Variants in MYO5C observed in about 807,000 individuals in gnomAD.
The protein encoded by MYO5C is myosin VC, also known as unconventional myosin-Vc.
MYO5C carries 194 observed loss-of-function variants against 235.7 expected under a neutral mutation model. The observed-to-expected ratio is 0.82, with a 90% confidence interval of 0.73 to 0.93. MYO5C has a LOEUF of 0.93. Ranked by LOEUF, MYO5C falls within the 40% of genes least tolerant of loss-of-function variation. The pLI is 0.00. For synonymous variants in MYO5C, 707 were observed against 754.8 expected (o/e 0.94, Z 1.04); for missense variants, 2,038 against 2,127.2 (o/e 0.96, Z 0.82).
rs750766594 is a variant in MYO5C at position 52,245,398 on chromosome 15, C to T, written c.2134G>A (p.Asp712Asn). 5.0e-6 allele frequency: 8 copies of T among 1,614,022 alleles called. No homozygotes were observed. The highest frequency in any genetic ancestry group is 3.3e-5 in the Admixed American group (2 of 60,012). ...LMTKQELSFS[D>N]KKEVCKVVLH... Reference sequence around the variant, plus strand: ...ACCACCTTGCACACCTCCTTTTTATCGCTGAAGGAAAGCTCTTGCTTGGTC... The same window carrying T: ...ACCACCTTGCACACCTCCTTTTTATTGCTGAAGGAAAGCTCTTGCTTGGTC... Residue 712 changes from aspartate (D) to asparagine (N), a missense_variant, in exon 18 of 41, where the codon GAT (aspartate) becomes AAT (asparagine). Transcript: ENST00000261839.
At chr15:52,273,874 CTA>C (rs1435983789) in intron 5 of MYO5C, among the ~76,000 whole-genome samples, 1 of 152,092 alleles carries the variant, frequency 6.6e-6, no homozygotes, top group Non-Finnish European at 1.5e-5. Context: ...CCCCAAATAC[CTA>C]TGATGCTCAA....
chr15:52,277,325 A>G, intron 4 of MYO5C: 1 of 494,206 alleles, frequency 2.0e-6, no homozygotes, highest in Non-Finnish European at 4.0e-6. Context: ...CTACAGTGCC[A>G]AAGAGCTCAT....
At chr15:52,215,472 G>A (rs1425693718) in intron 32 of MYO5C, among the ~76,000 whole-genome samples, 1 of 152,212 alleles carries the variant, frequency 6.6e-6, no homozygotes, top group African/African-American at 2.4e-5. Flanking sequence ...CAGGGTCACT[G>A]CAGCTGTGTG....
At chr15:52,211,908 G>A (rs371121822) in intron 34 of MYO5C, 24 bp from the exon 35 acceptor site, 1 of 1,607,870 alleles carries the variant, frequency 6.2e-7, no homozygotes, top group Admixed American at 1.7e-5. Context: ...AGCCAATGAG[G>A]ATTACAGCTG....
chr15:52,198,378 A>G (rs2035103381), intron 38 of MYO5C, among the ~76,000 whole-genome samples: 1 of 152,164 alleles, frequency 6.6e-6, no homozygotes, highest in Non-Finnish European at 1.5e-5. Context: ...AGGATTAGCA[A>G]TGCCCCATGT....
rs1393769595 is a variant in MYO5C at position 52,233,019 on chromosome 15, C to G, written c.2963-334G>C. 5.1e-4 allele frequency among the ~76,000 whole-genome samples: 7 copies of G among 13,746 alleles called. 2 individuals carry two copies. Among genetic ancestry groups the G allele is most frequent in the Admixed American group, 3.1e-3 (2 of 652 alleles). The allele number at this position is 13,746 out of a possible 152,430, so 9.0% of individuals were successfully genotyped here. A position where few individuals can be genotyped will look rare whatever the true frequency, so the allele number is the denominator to read the frequency against. Reference sequence around the variant, plus strand: ...TAGAGGCCGGGCGCGGTGGCTCACGCCTGTAATCCCAGCACTTTGGGAGGC... The same window carrying G: ...TAGAGGCCGGGCGCGGTGGCTCACGGCTGTAATCCCAGCACTTTGGGAGGC... On this transcript the variant is annotated intron_variant, in intron 23 of 40. Transcript: ENST00000261839.
intron 29 of MYO5C, among the ~76,000 whole-genome samples, 177 bp downstream of exon 29, chr15:52,223,367 A>G (rs1054932986): frequency 6.6e-6 from 1 of 152,232 alleles, no homozygotes; most frequent in Non-Finnish European, 1.5e-5. Flanking sequence ...CTCTTGTATC[A>G]GAGTGCTCTC....
Position 52,219,775 on chromosome 15 carries a change from C to T in MYO5C, c.3769G>A (p.Glu1257Lys). The change falls in exon 31 of 41, where the codon GAA (glutamate) becomes AAA (lysine). Residue 1257 changes from glutamate (E) to lysine (K), a missense_variant. Glu to Lys is a moderately conservative substitution (Grantham distance 56, BLOSUM62 1). Transcript: ENST00000261839. ...TACACTTACTTTCTTTGTGTTCCTT[C>T]CTCCTCTTGACTGCGATGTAACTGA... Reference protein sequence around the residue: ...SNQLHRSQEEEGTQRKALEAQ... With the variant: ...SNQLHRSQEEKGTQRKALEAQ... The T allele has an allele frequency of 6.2e-7, 1 of 1,612,282 alleles. No homozygotes were observed. The highest frequency in any genetic ancestry group is 8.5e-7 in the Non-Finnish European group (1 of 1,178,738).
intron 11 of MYO5C, among the ~76,000 whole-genome samples, chr15:52,254,765 T>C (rs1364309015): frequency 1.3e-5 from 2 of 151,208 alleles, no homozygotes; most frequent in African/African-American, 4.9e-5. Context: ...TGGCAAGACA[T>C]CTGGTATAAG....
intron 33 of MYO5C, among the ~76,000 whole-genome samples, chr15:52,213,906 A>C (rs908905698): frequency 6.6e-6 from 1 of 152,236 alleles, no homozygotes; most frequent in African/African-American, 2.4e-5. Context: ...TTATTACTGA[A>C]GGAAAGGGAT....
At chr15:52,292,576 TC>T (rs1451730296) in intron 1 of MYO5C, among the ~76,000 whole-genome samples, 2 of 152,170 alleles carry the variant, frequency 1.3e-5, no homozygotes, top group African/African-American at 4.8e-5. Context: ...AATAACATCA[TC>T]CATATCATCG....
intron 12 of MYO5C, among the ~76,000 whole-genome samples, chr15:52,251,852 A>G (rs928073067): frequency 3.3e-5 from 5 of 151,914 alleles, no homozygotes; most frequent in African/African-American, 9.7e-5. Flanking sequence ...TTTAGTAGAG[A>G]CGGGGTTTCA....
Position 52,213,207 on chromosome 15 carries a change from G to A in MYO5C, c.4122C>T (p.Leu1374=). Residue 1374 remains leucine, a synonymous_variant, in exon 34 of 41, where the codon CTC becomes CTT. Coordinates refer to ENST00000261839, the MANE Select transcript of MYO5C (RefSeq NM_018728.4). ...CACTACCAAGAATGAGGTTCTGAAT[G>A]AGCTTGGCCTCGTCTTCTCTCTTGT... ...LQYKREDEAK[L]IQNLILDLKP... The A allele has an allele frequency of 6.2e-7, 1 of 1,614,030 alleles. No individual in the cohort carries two copies. Among genetic ancestry groups the A allele is most frequent in the Non-Finnish European group, 8.5e-7 (1 of 1,179,916 alleles).
At chr15:52,286,868 C>A (rs1166817181) in intron 1 of MYO5C, among the ~76,000 whole-genome samples, 4 of 151,370 alleles carry the variant, frequency 2.6e-5, no homozygotes, top group Non-Finnish European at 4.4e-5. Context: ...TATCTGCTGA[C>A]CTTCCCTCCA....
intron 38 of MYO5C, among the ~76,000 whole-genome samples, chr15:52,200,235 G>A (rs1044880240): frequency 6.6e-6 from 1 of 152,076 alleles, no homozygotes; most frequent in Non-Finnish European, 1.5e-5. Context: ...TGCATTGTCC[G>A]CCTGATGAAA....
At chr15:52,227,388 G>A (rs1596162580) in intron 25 of MYO5C, among the ~76,000 whole-genome samples, 1 of 148,844 alleles carries the variant, frequency 6.7e-6, no homozygotes, top group Non-Finnish European at 1.5e-5. Context: ...TAGTAGAGAT[G>A]GGGTTTCACC....
At chr15:52,282,653 A>G in intron 2 of MYO5C, 129 bp downstream of exon 2, 1 of 665,796 alleles carries the variant, frequency 1.5e-6, no homozygotes, top group Admixed American at 2.2e-5. Flanking sequence ...CCATTTGGGA[A>G]TGGTGCTGGT....
intron 2 of MYO5C, among the ~76,000 whole-genome samples, chr15:52,281,395 T>A (rs954707561): frequency 6.6e-6 from 1 of 152,228 alleles, no homozygotes; most frequent in East Asian, 1.9e-4. Flanking sequence ...CCTGAAGCCC[T>A]GCAGATATTA....
In MYO5C at chr15:52,196,319, G is replaced by C; in HGVS notation, c.4985C>G (p.Ser1662Cys). Residue 1662 changes from serine to cysteine, a missense_variant, in exon 39 of 41, where the codon TCT becomes TGT. Coordinates refer to ENST00000261839, the MANE Select transcript of MYO5C (RefSeq NM_018728.4). Reference protein sequence around the residue: ...KEIYERCTSLSAVQIIKILNS... With the variant: ...KEIYERCTSLCAVQIIKILNS... The stretch of plus-strand genomic sequence containing the variant: ...AGCAAGCCTGGTCACCTGCACAGCA[G>C]ACAGTGAGGTGCAGCGTTCGTAGAT... 2 of 1,609,798 alleles carry C rather than the reference G, an allele frequency of 1.2e-6. No homozygotes were observed. Among genetic ancestry groups the C allele is most frequent in the Non-Finnish European group, 1.7e-6 (2 of 1,178,488 alleles).
Sources: gnomAD v4.1 joint callset for allele counts (sites outside exome capture counted in the v4.1 genomes callset) on GRCh38, gnomAD v4.1.1 for gene constraint, MANE v1.5 for transcripts, NCBI Gene and HGNC (gene_info 2026-07-23, HGNC 2026-07-21) for gene names.